FAM185A: variants seen among roughly 807,000 people sequenced by gnomAD.
FAM185A encodes family with sequence similarity 185 member A.
Under a neutral mutation model 45.7 loss-of-function variants are expected in FAM185A, and 21 were observed. The observed-to-expected ratio is 0.46, with a 90% CI of 0.33 to 0.66. The LOEUF (loss-of-function observed/expected upper bound fraction) is 0.66, where lower values mean the gene tolerates loss of function less well. FAM185A is among the 30% of genes least tolerant of loss of function. FAM185A has a pLI of 0.03. For synonymous variants in FAM185A, 117 were observed against 194.0 expected (o/e 0.60, Z 3.30); for missense variants, 305 against 485.4 (o/e 0.63, Z 3.49).
chr7:102,760,741 A>C (rs1212539198), intron 3 of FAM185A, among the ~76,000 whole-genome samples: 2 of 152,132 alleles, frequency 1.3e-5, no homozygotes, highest in Admixed American at 6.6e-5. Context: ...CAGATGGTTA[A>C]GGCAAGAAAA....
downstream of FAM185A, among the ~76,000 whole-genome samples, chr7:102,812,005 TTTATC>T (rs1238556621): frequency 3.9e-5 from 6 of 152,374 alleles, no homozygotes; most frequent in Non-Finnish European, 5.9e-5. Context: ...ATAACGATGC[TTTATC>T]TTAAGTTTTT....
At chr7:102,772,975 A>G (rs1030889896) in intron 5 of FAM185A, among the ~76,000 whole-genome samples, 1 of 152,096 alleles carries the variant, frequency 6.6e-6, no homozygotes, top group African/African-American at 2.4e-5. Flanking sequence ...GACAACAAGC[A>G]CATAAATAAC....
the FAM185A span, among the ~76,000 whole-genome samples, chr7:102,815,946 A>C: frequency 6.6e-6 from 1 of 152,202 alleles, no homozygotes; most frequent in Non-Finnish European, 1.5e-5. Context: ...AATATAAGAT[A>C]AGGAAAACAG....
In FAM185A at chr7:102,797,503, A is replaced by G. The variant is rs1340524955; in HGVS notation, c.1066+10034A>G. Among the ~76,000 whole-genome samples the G allele has an allele frequency of 9.9e-5, 15 of 152,224 alleles. 1 individual carries two copies. Among genetic ancestry groups the G allele is most frequent in the Admixed American group, 2.0e-4 (3 of 15,286 alleles). Reference sequence around the variant, plus strand: ...AAAACAAACAAAAAAGAACGTTGACAAAATTAAAATATTTTGTTATGGAAT... The same window carrying G: ...AAAACAAACAAAAAAGAACGTTGACGAAATTAAAATATTTTGTTATGGAAT... On this transcript the variant is annotated intron_variant, in intron 7 of 7. Coordinates refer to ENST00000413034, the MANE Select transcript of FAM185A (RefSeq NM_001145268.2).
chr7:102,809,804 A>G (rs1797330966), downstream of FAM185A, among the ~76,000 whole-genome samples: 1 of 152,188 alleles, frequency 6.6e-6, no homozygotes, highest in Non-Finnish European at 1.5e-5. Context: ...CTGTCCCCCA[A>G]AATCTCATGA....
At chr7:102,772,321 T>G (rs1287540278) in intron 4 of FAM185A, 88 bp from the exon 5 acceptor site, 1 of 767,740 alleles carries the variant, frequency 1.3e-6, no homozygotes, top group Admixed American at 3.2e-5. Context: ...ACATTGTAGA[T>G]ATTCATCCAT....
chr7:102,766,865 G>A (rs1202888602), intron 4 of FAM185A, among the ~76,000 whole-genome samples: 7 of 151,718 alleles, frequency 4.6e-5, no homozygotes, highest in Admixed American at 1.3e-4. Context: ...GCTTGATCTC[G>A]GCTCACTGCA....
At chr7:102,845,303 C>T in the FAM185A span, among the ~76,000 whole-genome samples, 1 of 152,142 alleles carries the variant, frequency 6.6e-6, no homozygotes, top group East Asian at 1.9e-4. Flanking sequence ...AGGAGTTCTG[C>T]ATCAGGAACC....
chr7:102,826,774 T>A, the FAM185A span, among the ~76,000 whole-genome samples: 10 of 107,412 alleles, frequency 9.3e-5, no homozygotes, highest in Non-Finnish European at 1.7e-4. Flanking sequence ...TATATATATG[T>A]ATATATATCT....
chr7:102,791,589 T>G (rs1164066830), intron 7 of FAM185A, among the ~76,000 whole-genome samples: 1 of 152,254 alleles, frequency 6.6e-6, no homozygotes, highest in Non-Finnish European at 1.5e-5. Context: ...TGAGTTTATT[T>G]CCTGTTCACA....
chr7:102,768,435 C>T (rs1418913822), intron 4 of FAM185A, among the ~76,000 whole-genome samples: 1 of 112,626 alleles, frequency 8.9e-6, no homozygotes, highest in Non-Finnish European at 1.9e-5. Context: ...TCTATAAATC[C>T]TTGCCTAATT....
rs1794097822 is a variant in FAM185A at position 102,761,408 on chromosome 7, C to T, written c.790C>T (p.His264Tyr). Residue 264 changes from histidine to tyrosine, a missense_variant, in exon 4 of 8, where the codon CAT (histidine) becomes TAT (tyrosine). Around this residue, in one of 5 missense-constraint regions of FAM185A, gnomAD observed 44 missense variants for 66.8 expected, o/e 0.66. Transcript: ENST00000413034. ...AAGDITLGSV[H>Y]GNITLQSKMG... Reference sequence around the variant, plus strand: ...TGGGGATATTACATTAGGAAGTGTTCATGGTAAGCTGACAAAGGCATAATA... The same window carrying T: ...TGGGGATATTACATTAGGAAGTGTTTATGGTAAGCTGACAAAGGCATAATA... The T allele has an allele frequency of 6.6e-7, 1 of 1,513,098 alleles. No individual in the cohort carries two copies. 93.7% of individuals were successfully genotyped at this position (1,513,098 alleles called of 1,614,324 possible).
At chr7:102,843,590 C>T in the FAM185A span, among the ~76,000 whole-genome samples, 6 of 152,098 alleles carry the variant, frequency 3.9e-5, no homozygotes, top group South Asian at 8.3e-4. Flanking sequence ...GCCTGGCCAA[C>T]GTGGCGAAAC....
intron 5 of FAM185A, among the ~76,000 whole-genome samples, chr7:102,773,633 C>T (rs1201534048): frequency 1.3e-5 from 2 of 152,058 alleles, no homozygotes; most frequent in Non-Finnish European, 2.9e-5. Context: ...GATAAACTAC[C>T]AGACCTTTTC....
At chr7:102,781,876 G>T (rs1375519903) in intron 6 of FAM185A, among the ~76,000 whole-genome samples, 1 of 152,092 alleles carries the variant, frequency 6.6e-6, no homozygotes, top group Non-Finnish European at 1.5e-5. Context: ...GAGGAAGTTT[G>T]AACCCATGGC....
intron 5 of FAM185A, 77 bp from the exon 6 acceptor site, chr7:102,777,176 A>G (rs2129437879): frequency 1.3e-6 from 2 of 1,517,008 alleles, no homozygotes; most frequent in South Asian, 2.5e-5. Flanking sequence ...ATGCTAAAGC[A>G]GAGCCTTTTA....
At chr7:102,815,310 T>C in the FAM185A span, among the ~76,000 whole-genome samples, 1 of 152,236 alleles carries the variant, frequency 6.6e-6, no homozygotes, top group Non-Finnish European at 1.5e-5. Context: ...ACTTTGTTAT[T>C]TTCCTTTTGT....
At chr7:102,770,718 C>T (rs967379972) in intron 4 of FAM185A, among the ~76,000 whole-genome samples, 30 of 152,008 alleles carry the variant, frequency 2.0e-4, no homozygotes, top group African/African-American at 5.6e-4. Flanking sequence ...CAGACGCTGG[C>T]GAGGCTGTGG....
chr7:102,754,667 G>C (rs1177455327), intron 2 of FAM185A, among the ~76,000 whole-genome samples: 1 of 152,194 alleles, frequency 6.6e-6, no homozygotes, highest in Non-Finnish European at 1.5e-5. Flanking sequence ...AAATTGAGCT[G>C]GGATTTGACC....
Sources: gnomAD v4.1 joint callset for allele counts (sites outside exome capture counted in the v4.1 genomes callset) on GRCh38, gnomAD v4.1.1 for gene constraint, gnomAD v4.1.1 regional missense constraint, MANE v1.5 for transcripts, NCBI Gene and HGNC (gene_info 2026-07-23, HGNC 2026-07-21) for gene names.